The following CARD8 variants were observed in gnomAD, a reference collection of about 807,000 sequenced individuals.
CARD8 encodes caspase recruitment domain family member 8, also known as caspase recruitment domain-containing protein 8.
CARD8 carries 38 observed loss-of-function variants against 53.2 expected under a neutral mutation model. The ratio of observed to expected loss-of-function variants is 0.71; its 90% CI spans 0.55 to 0.94. The LOEUF (loss-of-function observed/expected upper bound fraction) is 0.94. Among genes scored for constraint, CARD8 ranks in the 40% least tolerant of loss-of-function variants. CARD8 has a pLI of 0.00. For missense variants in CARD8, 561 were observed against 655.5 expected (o/e 0.86, Z 1.57); for synonymous variants, 245 against 244.9 (o/e 1.00, Z 0.00).
intron 3 of CARD8, among the ~76,000 whole-genome samples, chr19:48,245,917 TA>T (rs1445815221): frequency 6.7e-6 from 1 of 149,974 alleles, no homozygotes; most frequent in Non-Finnish European, 1.5e-5. Flanking sequence ...TAATTACATA[TA>T]TAATAGTATA....
intron 12 of CARD8, among the ~76,000 whole-genome samples, chr19:48,216,261 A>G (rs2039276267): frequency 6.6e-6 from 1 of 152,166 alleles, no homozygotes; most frequent in African/African-American, 2.4e-5. Flanking sequence ...TGCTTACTCA[A>G]AATATGTATT....
chr19:48,212,468 G>A (rs1347336958), intron 13 of CARD8, among the ~76,000 whole-genome samples: 1 of 152,226 alleles, frequency 6.6e-6, no homozygotes, highest in East Asian at 1.9e-4. Flanking sequence ...AAGAACAGGG[G>A]AAAAGATACA....
downstream of CARD8, chr19:48,204,051 G>A (rs1030101585): frequency 2.4e-6 from 1 of 410,116 alleles, no homozygotes; most frequent in Non-Finnish European, 4.9e-6. Flanking sequence ...TGGCGGGAGA[G>A]GAGTGGGGAG....
chr19:48,226,864 T>C (rs1568748599), intron 10 of CARD8, among the ~76,000 whole-genome samples: 1 of 151,736 alleles, frequency 6.6e-6, no homozygotes, highest in Admixed American at 6.6e-5. Flanking sequence ...TCACTTGAGG[T>C]CAAGAGTTCA....
chr19:48,206,401 A>C (rs1282109300), downstream of CARD8: 1 of 457,210 alleles, frequency 2.2e-6, no homozygotes, highest in Admixed American at 2.3e-5. Flanking sequence ...GATAGTGAAG[A>C]TCTAGAGCAG....
At chr19:48,215,103 C>A (rs2038993983) in intron 13 of CARD8, 1 of 392,808 alleles carries the variant, frequency 2.5e-6, no homozygotes, top group South Asian at 2.7e-5. Context: ...TGCTGTAAAG[C>A]TTTTTAATAA....
At chr19:48,207,740 T>TTTTTTG (rs1568595786), downstream of CARD8, among the ~76,000 whole-genome samples, 1 of 96,764 alleles carries the variant, frequency 1.0e-5, no homozygotes, top group African/African-American at 3.7e-5. Context: ...TTCTGTTTTT[T>TTTTTTG]TTTTTTTTTT....
At chr19:48,241,727 C>A (rs2045149504) in intron 3 of CARD8, among the ~76,000 whole-genome samples, 1 of 152,116 alleles carries the variant, frequency 6.6e-6, no homozygotes, top group East Asian at 1.9e-4. Context: ...AAATTGTCAC[C>A]TTGATTTCTT....
At chr19:48,232,783 A>T (rs1362577359) in intron 6 of CARD8, 1 of 583,884 alleles carries the variant, frequency 1.7e-6, no homozygotes, top group Non-Finnish European at 3.2e-6. Flanking sequence ...GACTGGGCGG[A>T]TCTAGACTAT....
rs1308016079 is a variant in CARD8 at position 48,230,471 on chromosome 19, C to A, written c.1002G>T (p.Leu334Phe). 1.9e-6 allele frequency: 3 copies of A among 1,613,206 alleles called. No homozygotes were observed. The African/African-American group carries it at 4.0e-5, about 22-fold the overall frequency. The part of the protein sequence containing the change: ...HPHPEDIKFH[L>F]YLVPSDALLT... ...GCAAGGCGTCGCTGGGGACAAGGTACAAGTGGAACTTAATATCTTCGGGGT... is the reference window on the plus strand; with the variant it reads ...GCAAGGCGTCGCTGGGGACAAGGTAAAAGTGGAACTTAATATCTTCGGGGT... Residue 334 changes from leucine to phenylalanine, a missense_variant, in exon 10 of 14, where the codon TTG becomes TTT. Transcript: ENST00000651546.
In CARD8 at chr19:48,211,396, C is replaced by CCGG. The variant is rs1207707638; in HGVS notation, c.*313_*314insCCG. On this transcript the variant is annotated 3_prime_UTR_variant, in exon 14 of 14. Coordinates refer to ENST00000651546, the MANE Select transcript of CARD8 (RefSeq NM_001184900.3). ...CTTTCCAGGCCCCATCCTTCATAAA[C>CCGG]ACACCTATCCGGATGTCCTTTATCC... 1 of 232,034 alleles carries CCGG rather than the reference C, an allele frequency of 4.3e-6. No individual in the cohort carries two copies. The highest frequency in any genetic ancestry group is 8.4e-6 in the Non-Finnish European group (1 of 118,430). 14.4% of individuals were successfully genotyped at this position (232,034 alleles called of 1,614,324 possible). A position where few individuals can be genotyped will look rare whatever the true frequency, so the allele number is the denominator to read the frequency against.
At position 48,209,449 on chromosome 19, in the gene CARD8, G is replaced by C. The variant is rs2037679188; in HGVS notation, c.*2261C>G. ...TAAAAGGTGGTGAATGCACTCAGTG[G>C]GACGACACAGATAACAACAGGTGAA... is the stretch of plus-strand genomic sequence containing the variant. On this transcript the variant is annotated 3_prime_UTR_variant, in exon 14 of 14. Transcript: ENST00000651546. 6.6e-6 allele frequency: 1 copy of C among 151,938 alleles called. No individual in the cohort carries two copies. 9.4% of individuals were successfully genotyped at this position (151,938 alleles called of 1,614,324 possible).
At chr19:48,207,744 T>TGTTTTTG (rs1568596073), downstream of CARD8, among the ~76,000 whole-genome samples, 4,441 of 90,318 alleles carry the variant, frequency 0.049, 318 homozygotes, top group African/African-American at 0.14. Context: ...GTTTTTTTTT[T>TGTTTTTG]TTTTTTTTTG....
chr19:48,225,630 G>GTAAGA (rs1226754544), intron 10 of CARD8, among the ~76,000 whole-genome samples: 1 of 152,160 alleles, frequency 6.6e-6, no homozygotes, highest in Non-Finnish European at 1.5e-5. Context: ...AACACAAAGG[G>GTAAGA]TAAGAGCCCA....
chr19:48,214,547 A>C (rs372519031), intron 13 of CARD8, among the ~76,000 whole-genome samples: 1 of 152,082 alleles, frequency 6.6e-6, no homozygotes, highest in African/African-American at 2.4e-5. Context: ...ACTCCAAGAA[A>C]CACACTGCGC....
intron 11 of CARD8, among the ~76,000 whole-genome samples, chr19:48,219,259 C>A (rs1194361935): frequency 1.3e-5 from 2 of 152,274 alleles, no homozygotes; most frequent in East Asian, 3.9e-4. Context: ...TCTGAGCTAC[C>A]AACTGAATAC....
chr19:48,222,264 T>C (rs1000313140), intron 10 of CARD8, among the ~76,000 whole-genome samples: 5 of 152,214 alleles, frequency 3.3e-5, no homozygotes, highest in African/African-American at 1.2e-4. Context: ...ACGTCTATGA[T>C]GGACAAGGGT....
chr19:48,245,808 G>A (rs1240511819), intron 3 of CARD8, among the ~76,000 whole-genome samples: 1 of 147,294 alleles, frequency 6.8e-6, no homozygotes, highest in South Asian at 2.1e-4. Flanking sequence ...ATTGTATATT[G>A]TATTATATAT....
intron 3 of CARD8, among the ~76,000 whole-genome samples, chr19:48,241,280 G>C (rs1350463258): frequency 6.6e-6 from 1 of 151,922 alleles, no homozygotes; most frequent in East Asian, 1.9e-4. Flanking sequence ...TTTTTAGATG[G>C]AGTCTAGCTC....
Sources: gnomAD v4.1 joint callset for allele counts (sites outside exome capture counted in the v4.1 genomes callset) on GRCh38, gnomAD v4.1.1 for gene constraint, MANE v1.5 for transcripts, NCBI Gene and HGNC (gene_info 2026-07-23, HGNC 2026-07-21) for gene names.